Variants in MYOT observed in about 807,000 individuals in gnomAD.
MYOT encodes 57 kDa cytoskeletal protein.
MYOT carries 36 observed loss-of-function variants against 58.0 expected under a neutral mutation model. The ratio of observed to expected loss-of-function variants is 0.62; its 90% CI spans 0.48 to 0.82. The LOEUF is 0.82. MYOT is among the 40% of genes least tolerant of loss of function. MYOT has a pLI of 0.00. For missense variants in MYOT, 505 were observed against 592.1 expected, an observed-to-expected ratio of 0.85 and a Z score of 1.53; for synonymous variants, 218 against 204.6, an observed-to-expected ratio of 1.07 and a Z score of -0.56.
intron 4 of MYOT, among the ~76,000 whole-genome samples, chr5:137,878,168 G>A (rs570172760): frequency 6.6e-6 from 1 of 151,488 alleles, no homozygotes; most frequent in South Asian, 2.1e-4. Context: ...TTTCCAAGAA[G>A]GGTTTAACTT....
chr5:137,879,413 T>C (rs929642423), intron 4 of MYOT, among the ~76,000 whole-genome samples: 12 of 152,162 alleles, frequency 7.9e-5, no homozygotes, highest in African/African-American at 2.7e-4. Flanking sequence ...TACTTGTATG[T>C]TGGGCTCTGC....
At chr5:137,875,564 A>C (rs531763399) in intron 2 of MYOT, among the ~76,000 whole-genome samples, 49 of 152,248 alleles carry the variant, frequency 3.2e-4, no homozygotes, top group African/African-American at 1.2e-3. Context: ...ACTTACTCTC[A>C]CATTCCTTAG....
intron 2 of MYOT, 74 bp from the exon 3 acceptor site, chr5:137,875,755 A>G: frequency 4.9e-6 from 7 of 1,414,198 alleles, no homozygotes; most frequent in Non-Finnish European, 7.0e-6. Flanking sequence ...GGTAAACTCA[A>G]CATATCTAAA....
At chr5:137,883,944 C>A (rs532114634) in intron 7 of MYOT, among the ~76,000 whole-genome samples, 3 of 152,286 alleles carry the variant, frequency 2.0e-5, no homozygotes, top group African/African-American at 7.2e-5. Context: ...TTAGTCTAAT[C>A]ATTTCTCTGG....
chr5:137,886,680 C>T, intron 8 of MYOT, 184 bp from the exon 9 acceptor site: 1 of 631,086 alleles, frequency 1.6e-6, no homozygotes, highest in East Asian at 3.0e-5. Context: ...GATTGAAGAG[C>T]AGAGGGAGAC....
rs905768118 is a variant in MYOT, at chr5:137,870,564, C to G, written c.-88C>G. The G allele has an allele frequency of 8.5e-7, 1 of 1,181,472 alleles. No individual in the cohort carries two copies. The highest frequency in any genetic ancestry group is 2.3e-5 in the East Asian group (1 of 42,958). 73.2% of individuals were successfully genotyped at this position (1,181,472 alleles called of 1,614,324 possible). On this transcript the variant is annotated 5_prime_UTR_variant, in exon 2 of 10. Coordinates refer to ENST00000239926, the MANE Select transcript of MYOT (RefSeq NM_006790.3). ...CCTTACAACCTTCCGTAATTCCAGGCTTGTGGCCCCAAATTCAGGGCCCCA... is the reference window on the plus strand; with the variant it reads ...CCTTACAACCTTCCGTAATTCCAGGGTTGTGGCCCCAAATTCAGGGCCCCA...
At chr5:137,871,488 A>T (rs1264851091) in intron 2 of MYOT, among the ~76,000 whole-genome samples, 3 of 152,068 alleles carry the variant, frequency 2.0e-5, no homozygotes, top group African/African-American at 7.2e-5. Context: ...TTCCCCTCTA[A>T]TCCTGAATAT....
rs1755016458 is a variant in MYOT, at chr5:137,870,636, C to T, written c.-16C>T. The T allele has an allele frequency of 6.2e-7, 1 of 1,606,118 alleles. No individual in the cohort carries two copies. Among genetic ancestry groups the T allele is most frequent in the Non-Finnish European group, 8.5e-7 (1 of 1,172,700 alleles). On this transcript the variant is annotated 5_prime_UTR_variant, in exon 2 of 10. Transcript: ENST00000239926. ...ATAGTAATAATTTGCCTTCATCTTC[C>T]ATATACCAACTAAGCATGTTTAACT...
rs574386253 is a variant in MYOT, at chr5:137,886,108, A to G, written c.1085A>G (p.Glu362Gly). The change falls in exon 8 of 10, where the codon GAG becomes GGG. Residue 362 changes from glutamate (E) to glycine (G), a missense_variant. Transcript: ENST00000239926. ...AAACCACAGAGCAAAAAAGTTTTAGAGGGAGATTCAGTGAAACTAGAATGC... is the reference window on the plus strand; with the variant it reads ...AAACCACAGAGCAAAAAAGTTTTAGGGGGAGATTCAGTGAAACTAGAATGC... ...IYKPQSKKVLEGDSVKLECQI... is the reference protein window; with the variant it reads ...IYKPQSKKVLGGDSVKLECQI... 4 of 1,611,270 alleles carry G rather than the reference A, an allele frequency of 2.5e-6. No individual in the cohort carries two copies. Among genetic ancestry groups the G allele is most frequent in the South Asian group, 1.1e-5 (1 of 90,962 alleles).
In MYOT at chr5:137,887,348, C is replaced by G; in HGVS notation, c.1460C>G (p.Ala487Gly). The change falls in exon 10 of 10, where the codon GCA becomes GGA. Residue 487 changes from alanine (A) to glycine (G), a missense_variant. By Grantham distance (60) the Ala-to-Gly change is moderately conservative (BLOSUM62 0). Coordinates refer to ENST00000239926, the MANE Select transcript of MYOT (RefSeq NM_006790.3). ...FNPEGEFQRL[A>G]AQSGLYESEE... is the part of the protein sequence containing the mutation. ...CCAGAAGGAGAATTTCAGCGTTTGG[C>G]AGCTCAATCTGGACTCTATGAAAGT... 1.2e-6 allele frequency: 2 copies of G among 1,613,984 alleles called. No homozygotes were observed. Among genetic ancestry groups the G allele is most frequent in the Non-Finnish European group, 1.7e-6 (2 of 1,179,946 alleles).
chr5:137,881,949 G>T (rs1239033106), intron 5 of MYOT, 24 bp from the exon 6 acceptor site: 1 of 1,611,656 alleles, frequency 6.2e-7, no homozygotes, highest in Non-Finnish European at 8.5e-7. Context: ...TTTACGCATA[G>T]TTGTTACCAA....
At position 137,887,349 on chromosome 5, in the gene MYOT, A is replaced by C; in HGVS notation, c.1461A>C (p.Ala487=). 6.2e-7 allele frequency: 1 copy of C among 1,614,096 alleles called. No homozygotes were observed. Among genetic ancestry groups the C allele is most frequent in the Non-Finnish European group, 8.5e-7 (1 of 1,179,966 alleles). Reference sequence around the variant, plus strand: ...CAGAAGGAGAATTTCAGCGTTTGGCAGCTCAATCTGGACTCTATGAAAGTG... The same window carrying C: ...CAGAAGGAGAATTTCAGCGTTTGGCCGCTCAATCTGGACTCTATGAAAGTG... ...FNPEGEFQRL[A]AQSGLYESEE... The change falls in exon 10 of 10, where the codon GCA becomes GCC. Residue 487 remains alanine (A), a synonymous_variant. Transcript: ENST00000239926.
chr5:137,886,770 A>G, intron 8 of MYOT, 94 bp from the exon 9 acceptor site: 1 of 945,244 alleles, frequency 1.1e-6, no homozygotes, highest in South Asian at 1.4e-5. Flanking sequence ...GAATTTTCAA[A>G]TGTTTTTTTC....
Position 137,869,898 on chromosome 5 carries a change from T to C in MYOT, c.-211-543T>C, listed in dbSNP as rs529004687. ...CTGTAACATATGTTCTACACAAACA[T>C]ATACACACAGTCACTCCTTAATTAA... On this transcript the variant is annotated intron_variant, in intron 1 of 9. Transcript: ENST00000239926. Among the ~76,000 whole-genome samples, 41 of 151,384 alleles carry C rather than the reference T, an allele frequency of 2.7e-4. 1 individual carries two copies. The highest frequency in any genetic ancestry group is 2.3e-3 in the South Asian group (11 of 4,814).
chr5:137,877,722 C>A, intron 4 of MYOT, 101 bp downstream of exon 4: 3 of 825,840 alleles, frequency 3.6e-6, no homozygotes, highest in South Asian at 1.4e-5. Context: ...AAAAGTCGGT[C>A]AGTTCCATCC....
rs1755405915 is a variant in MYOT, at chr5:137,880,855, T to C, written c.673T>C (p.Ser225Pro). The change falls in exon 5 of 10, where the codon TCA becomes CCA. Residue 225 changes from serine to proline, a missense_variant. Physicochemically the swap from Ser to Pro is moderately conservative, Grantham distance 74. Coordinates refer to ENST00000239926, the MANE Select transcript of MYOT (RefSeq NM_006790.3). ...SEHARLQVPT[S>P]QVRSRSTSRG... is the part of the protein sequence containing the mutation. ...ACATGCGCGACTGCAAGTTCCTACA[T>C]CACAAGTAAGGTAAAAAATTTTAAT... The C allele has an allele frequency of 1.2e-6, 2 of 1,609,620 alleles. No homozygotes were observed. The highest frequency in any genetic ancestry group is 2.2e-5 in the South Asian group (2 of 90,772).
intron 7 of MYOT, 121 bp from the exon 8 acceptor site, chr5:137,885,927 T>C: frequency 3.1e-6 from 2 of 647,588 alleles, no homozygotes; most frequent in South Asian, 2.2e-5. Flanking sequence ...ACTGAGTTTC[T>C]TTCTGTTGCT....
intron 3 of MYOT, 114 bp downstream of exon 3, chr5:137,876,117 T>C (rs1755205224): frequency 2.7e-6 from 3 of 1,129,702 alleles, no homozygotes; most frequent in African/African-American, 1.6e-5. Flanking sequence ...AATAAGATTA[T>C]CTAAAAAGAA....
At chr5:137,880,605 G>T in intron 4 of MYOT, 1 of 500,814 alleles carries the variant, frequency 2.0e-6, no homozygotes, top group Non-Finnish European at 3.6e-6. Context: ...AATACTTGTT[G>T]AATAGTCCCA....
Sources: allele counts gnomAD v4.1 joint callset (sites outside exome capture counted in the v4.1 genomes callset), GRCh38; gene constraint gnomAD v4.1.1; transcripts MANE v1.5; gene names NCBI Gene and HGNC (gene_info 2026-07-23, HGNC 2026-07-21).